Variants in RGS6 observed in about 807,000 individuals in gnomAD.
RGS6 encodes regulator of G-protein signaling 6.
Under a neutral mutation model 78.5 loss-of-function variants are expected in RGS6, and 30 were observed. The observed-to-expected ratio is 0.38, with a 90% CI of 0.29 to 0.52. The LOEUF (loss-of-function observed/expected upper bound fraction) is 0.52. Ranked by LOEUF, RGS6 falls within the 20% of genes least tolerant of loss-of-function variation. The pLI is 0.85. For missense variants in RGS6, 495 were observed against 609.7 expected (o/e 0.81, Z 1.98); for synonymous variants, 206 against 206.0 (o/e 1.00, Z 0.00).
At chr14:72,094,342 C>T (rs963480160) in intron 2 of RGS6, among the ~76,000 whole-genome samples, 2 of 152,130 alleles carry the variant, frequency 1.3e-5, no homozygotes, top group Admixed American at 6.5e-5. Context: ...TCTTGTTTTG[C>T]ATGCTGAATC....
In RGS6 at chr14:71,949,372, G is replaced by A. The variant is rs554024188; in HGVS notation, c.-20-15400G>A. On this transcript the variant is annotated intron_variant, in intron 1 of 17. Coordinates refer to ENST00000553525, the MANE Select transcript of RGS6 (RefSeq NM_001204424.2). ...GAATTTTAGCCATTCTGGTGGGTGC[G>A]TAGTGATGTCTTATTATGGCTTCAA... Among the ~76,000 whole-genome samples, 14 of 152,154 alleles carry A rather than the reference G, an allele frequency of 9.2e-5. No homozygotes were observed. The East Asian group carries it at 1.2e-3, about 13-fold the overall frequency.
intron 13 of RGS6, among the ~76,000 whole-genome samples, chr14:72,496,404 C>T (rs537107423): frequency 4.3e-4 from 65 of 152,266 alleles, no homozygotes; most frequent in African/African-American, 1.4e-3. Context: ...TATGATGATA[C>T]GCATCTTTGC....
At chr14:71,934,974 A>G (rs2152930340) in intron 1 of RGS6, among the ~76,000 whole-genome samples, 1 of 152,332 alleles carries the variant, frequency 6.6e-6, no homozygotes, top group South Asian at 2.1e-4. Flanking sequence ...CAATACCGGG[A>G]TTAATTTTTC....
the RGS6 span, among the ~76,000 whole-genome samples, chr14:71,922,916 C>G: frequency 6.6e-6 from 1 of 152,056 alleles, no homozygotes; most frequent in South Asian, 2.1e-4. Flanking sequence ...CTATAGTTCT[C>G]AAAATTCCAT....
chr14:72,405,045 A>G (rs565544502), intron 3 of RGS6, among the ~76,000 whole-genome samples: 9 of 152,314 alleles, frequency 5.9e-5, no homozygotes, highest in African/African-American at 1.9e-4. Flanking sequence ...GTTGCAGGGA[A>G]ACAGACTTTT....
intron 12 of RGS6, among the ~76,000 whole-genome samples, chr14:72,484,613 A>G (rs905051661): frequency 1.3e-5 from 2 of 152,156 alleles, no homozygotes; most frequent in African/African-American, 4.8e-5. Flanking sequence ...GATAAAATCT[A>G]CAACTTTTAT....
At chr14:71,976,281 T>C (rs1228909935) in intron 2 of RGS6, among the ~76,000 whole-genome samples, 5 of 151,562 alleles carry the variant, frequency 3.3e-5, no homozygotes. Context: ...ATTATTATAC[T>C]TTAAGTTTTA....
intron 2 of RGS6, among the ~76,000 whole-genome samples, chr14:72,009,210 G>A (rs984702149): frequency 3.3e-5 from 5 of 152,146 alleles, no homozygotes; most frequent in Non-Finnish European, 5.9e-5. Context: ...AATTAGCCAC[G>A]CATGGTAGTG....
chr14:72,557,517 C>T (rs2097597773), intron 17 of RGS6, among the ~76,000 whole-genome samples: 1 of 152,234 alleles, frequency 6.6e-6, no homozygotes, highest in South Asian at 2.1e-4. Context: ...TACCTTTCCA[C>T]CTGGCTCTTG....
At chr14:72,617,976 A>G in the RGS6 span, among the ~76,000 whole-genome samples, 116 of 152,082 alleles carry the variant, frequency 7.6e-4, no homozygotes, top group African/African-American at 2.7e-3. Context: ...AAGTCAGCCC[A>G]ATCCGCTCCA....
At chr14:71,915,711 T>A in the RGS6 span, among the ~76,000 whole-genome samples, 5 of 152,172 alleles carry the variant, frequency 3.3e-5, no homozygotes, top group Non-Finnish European at 7.4e-5. Flanking sequence ...TGGGCTGAAT[T>A]TTGGGTCTCC....
At chr14:71,972,354 T>A (rs1277696208) in intron 2 of RGS6, among the ~76,000 whole-genome samples, 2 of 151,656 alleles carry the variant, frequency 1.3e-5, no homozygotes, top group African/African-American at 2.4e-5. Context: ...GTTTTTTTTT[T>A]ATAATTTCCC....
At chr14:72,420,532 C>G (rs1034028776) in intron 3 of RGS6, among the ~76,000 whole-genome samples, 1 of 152,174 alleles carries the variant, frequency 6.6e-6, no homozygotes, top group African/African-American at 2.4e-5. Flanking sequence ...TAACCCTGCC[C>G]CCACCCCCAT....
chr14:72,315,711 G>A (rs182228430), intron 2 of RGS6, among the ~76,000 whole-genome samples: 8 of 152,258 alleles, frequency 5.3e-5, no homozygotes, highest in East Asian at 3.9e-4. Flanking sequence ...TTACATTCTC[G>A]CCCAGCCCTG....
At chr14:72,129,535 C>T (rs1355197056) in intron 2 of RGS6, among the ~76,000 whole-genome samples, 1 of 152,180 alleles carries the variant, frequency 6.6e-6, no homozygotes, top group Non-Finnish European at 1.5e-5. Context: ...GATGGAGGTT[C>T]ACAGGCTTCC....
At chr14:72,473,812 T>C (rs2096158504) in intron 9 of RGS6, 1 of 152,198 alleles carries the variant, frequency 6.6e-6, no homozygotes, top group African/African-American at 2.4e-5. Context: ...GTAATATATA[T>C]CATTGATTCA....
At chr14:71,932,362 C>T (rs1309047942), upstream of RGS6, 2 of 151,142 alleles carry the variant, frequency 1.3e-5, no homozygotes, top group Admixed American at 1.3e-4. Context: ...GCGCGGGGCA[C>T]GGGGCTGCAG....
chr14:72,261,523 G>A (rs1594946249), intron 2 of RGS6, among the ~76,000 whole-genome samples: 1 of 152,112 alleles, frequency 6.6e-6, no homozygotes, highest in Non-Finnish European at 1.5e-5. Flanking sequence ...AAAAATGATG[G>A]GGTCTTCCTG....
At chr14:72,611,196 G>T in the RGS6 span, among the ~76,000 whole-genome samples, 2 of 152,230 alleles carry the variant, frequency 1.3e-5, no homozygotes, top group African/African-American at 4.8e-5. Context: ...CAGGCATTTT[G>T]CTTGAAAGCA....
Sources: allele counts gnomAD v4.1 joint callset (sites outside exome capture counted in the v4.1 genomes callset), GRCh38; gene constraint gnomAD v4.1.1; transcripts MANE v1.5; gene names NCBI Gene and HGNC (gene_info 2026-07-23, HGNC 2026-07-21).